Variants in CCSER1 observed in about 807,000 individuals in gnomAD.
CCSER1 encodes coiled-coil serine rich protein 1.
A neutral mutation model predicts 82.0 loss-of-function variants in CCSER1; 41 were observed. That is an observed-to-expected ratio of 0.50 (90% CI 0.39 to 0.65). The LOEUF (loss-of-function observed/expected upper bound fraction) is 0.65, where lower values mean the gene tolerates loss of function less well. Among genes scored for constraint, CCSER1 ranks in the 30% least tolerant of loss-of-function variants. CCSER1 has a pLI of 0.00. For missense variants in CCSER1, 1,119 were observed against 1,064.2 expected (o/e 1.05, Z -0.72); for synonymous variants, 414 against 383.9 (o/e 1.08, Z -0.92).
chr4:90,276,904 A>T (rs1394432513), intron 1 of CCSER1, among the ~76,000 whole-genome samples: 3 of 152,054 alleles, frequency 2.0e-5, no homozygotes. Context: ...TCTCAGCTAG[A>T]ATGTTATTGG....
intron 9 of CCSER1, among the ~76,000 whole-genome samples, chr4:91,070,456 C>T (rs1721311984): frequency 6.6e-6 from 1 of 152,126 alleles, no homozygotes; most frequent in African/African-American, 2.4e-5. Flanking sequence ...ACTGTCCTGT[C>T]AAGAATTGTG....
intron 5 of CCSER1, among the ~76,000 whole-genome samples, chr4:90,479,117 C>G (rs1463485407): frequency 6.6e-6 from 1 of 151,220 alleles, no homozygotes; most frequent in Non-Finnish European, 1.5e-5. Flanking sequence ...TTTTCAAATG[C>G]AGTTCTTTTT....
chr4:90,371,835 C>A (rs1467322085), intron 3 of CCSER1, among the ~76,000 whole-genome samples: 3 of 152,112 alleles, frequency 2.0e-5, no homozygotes, highest in African/African-American at 7.2e-5. Flanking sequence ...AGGAGACTGC[C>A]TGTGTCAATC....
At chr4:90,354,807 T>TC (rs1744128046) in intron 3 of CCSER1, among the ~76,000 whole-genome samples, 1 of 151,996 alleles carries the variant, frequency 6.6e-6, no homozygotes. Context: ...GATTTTTTTT[T>TC]CCTAGTGGAA....
intron 7 of CCSER1, among the ~76,000 whole-genome samples, chr4:90,734,800 G>A (rs1368985542): frequency 1.3e-5 from 2 of 152,034 alleles, no homozygotes; most frequent in East Asian, 3.9e-4. Flanking sequence ...TTTCCAGTTT[G>A]GATGGCTTTT....
intron 1 of CCSER1, among the ~76,000 whole-genome samples, chr4:90,181,518 G>A (rs1024045002): frequency 2.0e-5 from 3 of 151,952 alleles, no homozygotes; most frequent in Admixed American, 1.3e-4. Flanking sequence ...TGGAAGGAAA[G>A]GGGTAAAAAT....
At chr4:91,592,988 A>C (rs906170774) in intron 10 of CCSER1, among the ~76,000 whole-genome samples, 1 of 152,192 alleles carries the variant, frequency 6.6e-6, no homozygotes, top group East Asian at 1.9e-4. Context: ...AACAAGGAAA[A>C]GAACTTCAGA....
At chr4:90,915,238 A>G (rs1727150822) in intron 8 of CCSER1, among the ~76,000 whole-genome samples, 1 of 152,228 alleles carries the variant, frequency 6.6e-6, no homozygotes. Flanking sequence ...ACCAATATCC[A>G]TGATGAACAT....
rs1484066062 is a variant in CCSER1, at chr4:90,327,546, C to G, written c.1509+14499C>G. Among the ~76,000 whole-genome samples, 3 of 152,106 alleles carry G rather than the reference C, an allele frequency of 2.0e-5. No individual in the cohort carries two copies. In the East Asian group the frequency reaches 5.8e-4, roughly 29 times the overall value. On this transcript the variant is annotated intron_variant, in intron 3 of 10. Coordinates refer to ENST00000509176, the MANE Select transcript of CCSER1 (RefSeq NM_001145065.2). ...TTCTCCATCCTATCCCTCTTTTTCC[C>G]TACAAGGCAAACAGTCGTGACACTT...
At chr4:91,142,070 G>C (rs1235324377) in intron 10 of CCSER1, among the ~76,000 whole-genome samples, 4 of 152,074 alleles carry the variant, frequency 2.6e-5, no homozygotes, top group Non-Finnish European at 5.9e-5. Context: ...CTTACCCTGT[G>C]ATATGGTTTT....
chr4:91,256,221 C>T (rs745639969), intron 10 of CCSER1, among the ~76,000 whole-genome samples: 7 of 152,132 alleles, frequency 4.6e-5, no homozygotes, highest in African/African-American at 7.2e-5. Context: ...GCCCTGGTCT[C>T]CTGCAGGGCC....
chr4:91,394,082 C>T (rs1922222), intron 10 of CCSER1, among the ~76,000 whole-genome samples: 4,751 of 152,104 alleles, frequency 0.031, 229 homozygotes, highest in African/African-American at 0.11. Flanking sequence ...TTGTGCAGTA[C>T]CTCAGAATAA....
chr4:90,229,210 C>A (rs1214151001), intron 1 of CCSER1, among the ~76,000 whole-genome samples: 1 of 152,156 alleles, frequency 6.6e-6, no homozygotes, highest in Non-Finnish European at 1.5e-5. Flanking sequence ...ATGTTAAGGG[C>A]AGCCAGAGAG....
intron 10 of CCSER1, among the ~76,000 whole-genome samples, chr4:91,465,277 G>T (rs926330169): frequency 6.6e-6 from 1 of 152,136 alleles, no homozygotes; most frequent in East Asian, 1.9e-4. Flanking sequence ...ACGAAATGAA[G>T]TCAGAAATAA....
chr4:91,044,321 T>C (rs893555949), intron 9 of CCSER1, among the ~76,000 whole-genome samples: 1 of 152,218 alleles, frequency 6.6e-6, no homozygotes, highest in Non-Finnish European at 1.5e-5. Flanking sequence ...TTTAGAAATA[T>C]TATTCTTTGA....
At chr4:90,682,254 C>T (rs1381098477) in intron 6 of CCSER1, among the ~76,000 whole-genome samples, 1 of 150,662 alleles carries the variant, frequency 6.6e-6, no homozygotes, top group Non-Finnish European at 1.5e-5. Context: ...GAATTGTGCT[C>T]ATACCCTATT....
At chr4:91,506,674 G>A (rs1166617482) in intron 10 of CCSER1, among the ~76,000 whole-genome samples, 1 of 152,064 alleles carries the variant, frequency 6.6e-6, no homozygotes, top group East Asian at 1.9e-4. Context: ...TCTTTATTGA[G>A]AAGTAATTAA....
chr4:91,370,249 C>T (rs1320229416), intron 10 of CCSER1, among the ~76,000 whole-genome samples: 1 of 151,996 alleles, frequency 6.6e-6, no homozygotes, highest in Admixed American at 6.6e-5. Context: ...ATTTGATAGA[C>T]ACATAATACA....
At chr4:90,720,656 G>T (rs763258195) in intron 6 of CCSER1, among the ~76,000 whole-genome samples, 23 of 151,966 alleles carry the variant, frequency 1.5e-4, no homozygotes, top group Non-Finnish European at 2.5e-4. Flanking sequence ...CTTGGAAATT[G>T]TATATACAGA....
Sources: gnomAD v4.1 joint callset for allele counts (sites outside exome capture counted in the v4.1 genomes callset) on GRCh38, gnomAD v4.1.1 for gene constraint, MANE v1.5 for transcripts, NCBI Gene and HGNC (gene_info 2026-07-23, HGNC 2026-07-21) for gene names.